The following KTN1 variants were observed in gnomAD, a reference collection of about 807,000 sequenced individuals.
KTN1 encodes kinectin.
KTN1 carries 130 observed loss-of-function variants against 222.5 expected under a neutral mutation model. That is an observed-to-expected ratio of 0.58 (90% CI 0.51 to 0.68). KTN1 has a LOEUF of 0.68. Ranked by LOEUF, KTN1 falls within the 30% of genes least tolerant of loss-of-function variation. The pLI, the probability that KTN1 is intolerant of heterozygous loss-of-function variation, is 0.00. For synonymous variants in KTN1, 512 were observed against 496.3 expected, an observed-to-expected ratio of 1.03 and a Z score of -0.42; for missense variants, 1,508 against 1,500.4, an observed-to-expected ratio of 1.01 and a Z score of -0.08.
rs751122482 is a variant in KTN1, at chr14:55,641,738, T to C, written c.2150T>C (p.Leu717Pro). The C allele has an allele frequency of 4.4e-6, 7 of 1,599,576 alleles. No homozygotes were observed. The South Asian group carries it at 7.7e-5, about 18-fold the overall frequency. Residue 717 changes from leucine (L) to proline (P), a missense_variant, in exon 18 of 44, where the codon CTA (leucine) becomes CCA (proline). Physicochemically the swap from Leu to Pro is moderately conservative, Grantham distance 98. Transcript: ENST00000395314. ...GCATTAAAATCAGAAGTTCAGAAGCTACAGACTCTTGTTTCTGAACAGGTA... is the reference window on the plus strand; with the variant it reads ...GCATTAAAATCAGAAGTTCAGAAGCCACAGACTCTTGTTTCTGAACAGGTA... ...NKALKSEVQKLQTLVSEQPNK... is the reference protein window; with the variant it reads ...NKALKSEVQKPQTLVSEQPNK...
chr14:55,586,913 T>C lies in KTN1; in HGVS notation c.-31+6559T>C, dbSNP rs768828884. 3.3e-5 allele frequency among the ~76,000 whole-genome samples: 5 copies of C among 152,302 alleles called. No homozygotes were observed. In the South Asian group the frequency reaches 6.2e-4, roughly 19 times the overall value. On this transcript the variant is annotated intron_variant, in intron 1 of 43. Transcript: ENST00000395314. ...TATAAGTTACTCTTGTGTGATCTTATAGACATTTCTTAATGGTTACCTCGA... is the reference window on the plus strand; with the variant it reads ...TATAAGTTACTCTTGTGTGATCTTACAGACATTTCTTAATGGTTACCTCGA...
intron 5 of KTN1, among the ~76,000 whole-genome samples, chr14:55,619,889 TC>T (rs1566727403): frequency 6.6e-6 from 1 of 151,902 alleles, no homozygotes; most frequent in Non-Finnish European, 1.5e-5. Flanking sequence ...CTCCTACTGG[TC>T]CCCCAAAGTC....
At chr14:55,619,087 C>A (rs1382378953) in intron 4 of KTN1, 95 bp from the exon 5 acceptor site, 3 of 924,704 alleles carry the variant, frequency 3.2e-6, no homozygotes, top group Non-Finnish European at 4.9e-6. Flanking sequence ...TATTGACTTT[C>A]TGGGCCGTGA....
chr14:55,634,988 T>C (rs2040956146), intron 9 of KTN1, among the ~76,000 whole-genome samples: 1 of 152,140 alleles, frequency 6.6e-6, no homozygotes. Context: ...TTCAGTTACC[T>C]CCACGTGGTC....
chr14:55,682,527 G>T (rs2046462645), intron 43 of KTN1: 1 of 152,124 alleles, frequency 6.6e-6, no homozygotes, highest in African/African-American at 2.4e-5. Flanking sequence ...GAATCCTGTT[G>T]AGGGAGGATG....
rs1431226536 is a variant in KTN1, at chr14:55,675,819, TC to T, written c.3772-14del. 6.5e-7 allele frequency: 1 copy of T among 1,535,738 alleles called. No homozygotes were observed. The highest frequency in any genetic ancestry group is 1.7e-5 in the Admixed American group (1 of 59,844). On this transcript the variant is annotated splice_polypyrimidine_tract_variant and intron_variant, in intron 40 of 43. Transcript: ENST00000395314. The stretch of plus-strand genomic sequence containing the variant: ...ATGCAAATTAAGTTAATTGTGGTGT[TC>T]CTTTATTTTTACAGTTGAAGGCACA...
intron 1 of KTN1, among the ~76,000 whole-genome samples, chr14:55,586,320 G>A (rs969155059): frequency 5.3e-5 from 8 of 152,110 alleles, no homozygotes; most frequent in African/African-American, 2.4e-5. Context: ...CCTGCCTAAG[G>A]CTCATTAAGG....
chr14:55,673,369 T>C lies in KTN1; in HGVS notation c.3771+114T>C, dbSNP rs1173623461. 18 of 623,664 alleles carry C rather than the reference T, an allele frequency of 2.9e-5. No individual in the cohort carries two copies. The East Asian group carries it at 3.0e-4, about 11-fold the overall frequency. The allele number at this position is 623,664 out of a possible 1,614,324, so 38.6% of individuals were successfully genotyped here. On this transcript the variant is annotated intron_variant, in intron 40 of 43. Transcript: ENST00000395314. ...TGCTAACATCTTTAGCTTGGCCTTTTTGTAAGTCTAAGATAATCTTCATAT... is the reference window on the plus strand; with the variant it reads ...TGCTAACATCTTTAGCTTGGCCTTTCTGTAAGTCTAAGATAATCTTCATAT...
intron 2 of KTN1, among the ~76,000 whole-genome samples, chr14:55,615,369 T>A (rs2038197215): frequency 6.6e-6 from 1 of 151,376 alleles, no homozygotes; most frequent in Non-Finnish European, 1.5e-5. Flanking sequence ...GCCTCCCCCT[T>A]TTCCCCCGTC....
rs2045575514 is a variant in KTN1 at position 55,672,953 on chromosome 14, G to C, written c.3628G>C (p.Glu1210Gln). 10 of 1,613,320 alleles carry C rather than the reference G, an allele frequency of 6.2e-6. No individual in the cohort carries two copies. The highest frequency in any genetic ancestry group is 8.5e-6 in the Non-Finnish European group (10 of 1,179,418). ...ENLRREREHL[E>Q]MELEKAEMER... The stretch of plus-strand genomic sequence containing the variant: ...GCTGAGAAGAGAACGAGAACATTTG[G>C]AAATGGAACTAGAAAAGGCAGAGAT... Residue 1210 changes from glutamate to glutamine, a missense_variant, in exon 39 of 44, where the codon GAA (glutamate) becomes CAA (glutamine). Transcript: ENST00000395314.
At chr14:55,674,191 A>G (rs1175559647) in intron 40 of KTN1, 2 of 152,090 alleles carry the variant, frequency 1.3e-5, no homozygotes, top group Non-Finnish European at 2.9e-5. Flanking sequence ...ATCAATTTTT[A>G]GAGTAGAGCG....
chr14:55,616,405 CAG>C (rs1414689393), intron 2 of KTN1, 110 bp from the exon 3 acceptor site: 3 of 938,868 alleles, frequency 3.2e-6, no homozygotes, highest in Admixed American at 5.9e-5. Context: ...CGTTATATGT[CAG>C]ACTTTAAATT....
chr14:55,656,737 G>A (rs2043522285), intron 29 of KTN1, among the ~76,000 whole-genome samples: 1 of 152,182 alleles, frequency 6.6e-6, no homozygotes, highest in South Asian at 2.1e-4. Context: ...AAAGTGCTGA[G>A]ATTATAGGTG....
chr14:55,605,571 G>C (rs1324455911), intron 1 of KTN1, among the ~76,000 whole-genome samples: 1 of 152,174 alleles, frequency 6.6e-6, no homozygotes, highest in Non-Finnish European at 1.5e-5. Flanking sequence ...CCAAGATCAT[G>C]CAAGTAGTTT....
At chr14:55,677,842 G>A (rs2046020100) in intron 41 of KTN1, among the ~76,000 whole-genome samples, 1 of 152,142 alleles carries the variant, frequency 6.6e-6, no homozygotes. Context: ...GGGATTACAG[G>A]CATGTGCCAC....
At chr14:55,663,888 T>C in intron 32 of KTN1, 67 bp from the exon 33 acceptor site, 3 of 1,129,328 alleles carry the variant, frequency 2.7e-6, no homozygotes, top group Non-Finnish European at 4.0e-6. Flanking sequence ...AAAATACTGA[T>C]GAAGTAAAAA....
chr14:55,676,717 A>C (rs770099585), intron 41 of KTN1, among the ~76,000 whole-genome samples: 16 of 152,202 alleles, frequency 1.1e-4, no homozygotes, highest in Non-Finnish European at 1.5e-4. Flanking sequence ...TAGATTTTAA[A>C]AGTTATCTCA....
intron 43 of KTN1, chr14:55,681,539 T>C (rs28458791): frequency 0.25 from 37,794 of 152,146 alleles, 4,812 homozygotes; most frequent in East Asian, 0.33. Flanking sequence ...TCATTGATAA[T>C]AACACTTTTT....
At chr14:55,656,272 G>GT (rs1260743424) in intron 29 of KTN1, 140 bp downstream of exon 29, 1 of 610,352 alleles carries the variant, frequency 1.6e-6, no homozygotes. Context: ...TTATTGGCAT[G>GT]TTTTTTGAGT....
Sources: gnomAD v4.1 joint callset for allele counts (sites outside exome capture counted in the v4.1 genomes callset) on GRCh38, gnomAD v4.1.1 for gene constraint, MANE v1.5 for transcripts, NCBI Gene and HGNC (gene_info 2026-07-23, HGNC 2026-07-21) for gene names.